The following EXOC6B variants were observed in gnomAD, a reference collection of about 807,000 sequenced individuals.
EXOC6B encodes the protein exocyst complex component 6B.
A neutral mutation model predicts 113.5 loss-of-function variants in EXOC6B; 54 were observed. That is an observed-to-expected ratio of 0.48 (90% confidence interval 0.38 to 0.60). EXOC6B has a LOEUF of 0.60. EXOC6B is among the 20% of genes least tolerant of loss of function. EXOC6B has a pLI of 0.00. For synonymous variants in EXOC6B, 357 were observed against 339.0 expected (o/e 1.05, Z -0.58); for missense variants, 797 against 977.5 (o/e 0.82, Z 2.46).
At chr2:72,401,537 A>ATGTG (rs1192604554) in intron 18 of EXOC6B, among the ~76,000 whole-genome samples, 1 of 31,790 alleles carries the variant, frequency 3.1e-5, no homozygotes, top group Non-Finnish European at 4.7e-5. Flanking sequence ...ATATATATAT[A>ATGTG]TATATATGTG....
intron 1 of EXOC6B, among the ~76,000 whole-genome samples, chr2:72,786,560 C>A (rs1273058643): frequency 6.6e-6 from 1 of 152,156 alleles, no homozygotes; most frequent in Non-Finnish European, 1.5e-5. Context: ...TAGAGAAATA[C>A]CAAAACTGCC....
chr2:72,259,924 C>T (rs1377318839), intron 20 of EXOC6B, among the ~76,000 whole-genome samples: 1 of 152,074 alleles, frequency 6.6e-6, no homozygotes, highest in Admixed American at 6.6e-5. Context: ...TGGTGGTACA[C>T]AGCTGTAGTC....
At chr2:72,572,218 A>G (rs138946344) in intron 7 of EXOC6B, among the ~76,000 whole-genome samples, 201 of 152,298 alleles carry the variant, frequency 1.3e-3, no homozygotes, top group African/African-American at 4.6e-3. Flanking sequence ...TCATGTTTCC[A>G]TATCGTCTTG....
chr2:72,453,834 T>C (rs918621314), intron 18 of EXOC6B, among the ~76,000 whole-genome samples: 1 of 152,188 alleles, frequency 6.6e-6, no homozygotes, highest in African/African-American at 2.4e-5. Flanking sequence ...CTCACTCTCC[T>C]ATGAAGAAAT....
chr2:72,449,541 A>C (rs1696793046), intron 18 of EXOC6B, among the ~76,000 whole-genome samples: 1 of 151,916 alleles, frequency 6.6e-6, no homozygotes, highest in African/African-American at 2.4e-5. Flanking sequence ...AATTTTTAGA[A>C]ATGATCCCTT....
intron 1 of EXOC6B, among the ~76,000 whole-genome samples, chr2:72,746,686 G>A (rs1681718730): frequency 6.6e-6 from 1 of 151,950 alleles, no homozygotes; most frequent in Non-Finnish European, 1.5e-5. Flanking sequence ...AATGTTATAA[G>A]CATTATTTCA....
intron 18 of EXOC6B, among the ~76,000 whole-genome samples, chr2:72,388,141 G>A (rs557146347): frequency 6.6e-6 from 1 of 152,224 alleles, no homozygotes; most frequent in African/African-American, 2.4e-5. Context: ...TAACACCCTG[G>A]ACAGTCAAAC....
chr2:72,398,553 T>C (rs886588817), intron 18 of EXOC6B, among the ~76,000 whole-genome samples: 1 of 151,866 alleles, frequency 6.6e-6, no homozygotes, highest in East Asian at 1.9e-4. Context: ...AAAAATTAGC[T>C]GGGCATGGTG....
intron 18 of EXOC6B, among the ~76,000 whole-genome samples, chr2:72,409,128 A>C (rs1175917749): frequency 6.6e-6 from 1 of 152,226 alleles, no homozygotes; most frequent in Non-Finnish European, 1.5e-5. Context: ...GCTTATCATC[A>C]CTGGCCATCA....
At chr2:72,500,842 T>C (rs1700281427) in intron 11 of EXOC6B, among the ~76,000 whole-genome samples, 1 of 152,174 alleles carries the variant, frequency 6.6e-6, no homozygotes, top group Admixed American at 6.5e-5. Flanking sequence ...CTGAAAGAGG[T>C]GTTTTGAATT....
chr2:72,715,128 G>A (rs978718327), intron 6 of EXOC6B, among the ~76,000 whole-genome samples: 2 of 152,038 alleles, frequency 1.3e-5, no homozygotes, highest in African/African-American at 4.8e-5. Context: ...TAGGGAGGCT[G>A]AGGCAGGAGA....
At chr2:72,195,527 G>T (rs950136428) in intron 20 of EXOC6B, among the ~76,000 whole-genome samples, 1 of 152,158 alleles carries the variant, frequency 6.6e-6, no homozygotes, top group Non-Finnish European at 1.5e-5. Flanking sequence ...TTTTCTTGCA[G>T]TATAGTGTGA....
At chr2:72,513,305 C>T in intron 10 of EXOC6B, 53 bp from the exon 11 acceptor site, 2 of 1,605,724 alleles carry the variant, frequency 1.2e-6, no homozygotes, top group South Asian at 1.1e-5. Context: ...AGTTTTATTA[C>T]TCTCTCTGGG....
chr2:72,402,070 AT>A (rs2105174757), intron 18 of EXOC6B, among the ~76,000 whole-genome samples: 1 of 151,774 alleles, frequency 6.6e-6, no homozygotes, highest in South Asian at 2.1e-4. Flanking sequence ...AATTTTAAGA[AT>A]TTGTGTTAAT....
At chr2:72,750,803 A>G (rs760557678) in intron 1 of EXOC6B, among the ~76,000 whole-genome samples, 3 of 152,144 alleles carry the variant, frequency 2.0e-5, no homozygotes, top group Non-Finnish European at 2.9e-5. Context: ...AACCAACTGA[A>G]GCAAAGGCAA....
At chr2:72,659,735 T>C (rs963051347) in intron 6 of EXOC6B, among the ~76,000 whole-genome samples, 1 of 152,128 alleles carries the variant, frequency 6.6e-6, no homozygotes, top group Non-Finnish European at 1.5e-5. Context: ...GCAAAGACAA[T>C]ATTTTATTCA....
intron 19 of EXOC6B, among the ~76,000 whole-genome samples, chr2:72,335,548 G>GCACACACACACA (rs70963124): frequency 7.4e-6 from 1 of 134,914 alleles, no homozygotes; most frequent in African/African-American, 2.7e-5. Context: ...CTGCATTATT[G>GCACACACACACA]CACACACACA....
chr2:72,493,652 G>A (rs1340189462), intron 15 of EXOC6B, among the ~76,000 whole-genome samples: 1 of 151,922 alleles, frequency 6.6e-6, no homozygotes, highest in East Asian at 1.9e-4. Context: ...TTTAAGATGA[G>A]TATGAATGCT....
chr2:72,345,809 C>T (rs1689295620), intron 19 of EXOC6B, among the ~76,000 whole-genome samples: 1 of 152,236 alleles, frequency 6.6e-6, no homozygotes, highest in African/African-American at 2.4e-5. Flanking sequence ...GAAGAGTGAA[C>T]CCTAATGTAA....
Sources: allele counts gnomAD v4.1 joint callset (sites outside exome capture counted in the v4.1 genomes callset), GRCh38; gene constraint gnomAD v4.1.1; transcripts MANE v1.5; gene names NCBI Gene and HGNC (gene_info 2026-07-23, HGNC 2026-07-21).